The following BBS9 variants were observed in gnomAD, a reference collection of about 807,000 sequenced individuals.
BBS9 encodes Bardet-Biedl syndrome 9, also known as protein PTHB1.
In BBS9, 89 loss-of-function variants were observed where a neutral mutation model predicts 117.7. That is an observed-to-expected ratio of 0.76 (90% confidence interval 0.64 to 0.90). BBS9 has a LOEUF of 0.90. Ranked by LOEUF, BBS9 falls within the 40% of genes least tolerant of loss-of-function variation. The probability of loss-of-function intolerance (pLI) is 0.00; values close to 1 mark genes in which losing one functional copy is unlikely to be tolerated. For missense variants in BBS9, 982 were observed against 1,042.2 expected, an observed-to-expected ratio of 0.94 and a Z score of 0.80; for synonymous variants, 379 against 370.9, an observed-to-expected ratio of 1.02 and a Z score of -0.25.
intron 19 of BBS9, among the ~76,000 whole-genome samples, chr7:33,438,168 C>G: frequency 6.6e-6 from 1 of 152,132 alleles, no homozygotes; most frequent in Non-Finnish European, 1.5e-5. Context: ...ATCCTTACCT[C>G]ATACCATAAA....
At chr7:33,190,078 A>C (rs1436153247) in intron 5 of BBS9, among the ~76,000 whole-genome samples, 3 of 150,714 alleles carry the variant, frequency 2.0e-5, no homozygotes, top group African/African-American at 7.3e-5. Flanking sequence ...TCCTTTAAAA[A>C]ATTTCTTTTC....
intron 17 of BBS9, among the ~76,000 whole-genome samples, chr7:33,368,485 A>G (rs1041249201): frequency 6.6e-6 from 1 of 152,076 alleles, no homozygotes; most frequent in African/African-American, 2.4e-5. Flanking sequence ...TACTGAAGCT[A>G]CTGAGCTTAC....
At chr7:33,225,322 C>T (rs1456742542) in intron 5 of BBS9, among the ~76,000 whole-genome samples, 1 of 152,144 alleles carries the variant, frequency 6.6e-6, no homozygotes, top group African/African-American at 2.4e-5. Flanking sequence ...CTCAGCCTCC[C>T]AAGTAGTTGG....
At chr7:33,280,609 A>G (rs1801624718) in intron 9 of BBS9, among the ~76,000 whole-genome samples, 1 of 152,200 alleles carries the variant, frequency 6.6e-6, no homozygotes, top group South Asian at 2.1e-4. Flanking sequence ...CTCCGACTAG[A>G]TAATACATTC....
intron 4 of BBS9, among the ~76,000 whole-genome samples, chr7:33,173,467 G>A (rs188786220): frequency 3.8e-4 from 57 of 151,722 alleles, no homozygotes; most frequent in Non-Finnish European, 6.8e-4. Flanking sequence ...AGCTACTCGC[G>A]AGGATGAGGC....
chr7:33,453,960 C>G (rs137880846), intron 19 of BBS9, among the ~76,000 whole-genome samples: 7 of 152,108 alleles, frequency 4.6e-5, no homozygotes, highest in Non-Finnish European at 1.0e-4. Flanking sequence ...TTGGGGGAGT[C>G]AAAAGTTGTA....
At chr7:33,481,975 A>G (rs955867400) in intron 19 of BBS9, among the ~76,000 whole-genome samples, 3 of 152,202 alleles carry the variant, frequency 2.0e-5, no homozygotes, top group Non-Finnish European at 4.4e-5. Context: ...TGGCTTATTA[A>G]TGTCCACATC....
At chr7:33,420,861 A>G (rs1386587821) in intron 19 of BBS9, among the ~76,000 whole-genome samples, 2 of 152,002 alleles carry the variant, frequency 1.3e-5, no homozygotes, top group African/African-American at 2.4e-5. Flanking sequence ...TGTGTTTGCA[A>G]CTCCCAAGAC....
intron 6 of BBS9, among the ~76,000 whole-genome samples, chr7:33,259,717 A>T (rs1257418351): frequency 2.6e-5 from 4 of 151,860 alleles, no homozygotes; most frequent in Non-Finnish European, 5.9e-5. Flanking sequence ...CTTTGGTACC[A>T]CTGTTCTCTG....
At chr7:33,183,148 A>C (rs891353033) in intron 5 of BBS9, among the ~76,000 whole-genome samples, 11 of 152,184 alleles carry the variant, frequency 7.2e-5, no homozygotes, top group African/African-American at 2.7e-4. Context: ...AAAATGTGAG[A>C]GGGATCTATT....
At chr7:33,178,432 T>G (rs1797635040) in intron 5 of BBS9, among the ~76,000 whole-genome samples, 1 of 152,168 alleles carries the variant, frequency 6.6e-6, no homozygotes, top group South Asian at 2.1e-4. Context: ...CACCAAGGCT[T>G]GGTGCTTGCT....
chr7:33,608,522 TC>T (rs896660660), downstream of BBS9, among the ~76,000 whole-genome samples: 2 of 152,100 alleles, frequency 1.3e-5, no homozygotes, highest in African/African-American at 4.8e-5. Flanking sequence ...CATTTCCTTT[TC>T]CCCACAGCCT....
At chr7:33,329,360 T>C (rs1053932166) in intron 9 of BBS9, among the ~76,000 whole-genome samples, 2 of 152,196 alleles carry the variant, frequency 1.3e-5, no homozygotes, top group African/African-American at 4.8e-5. Flanking sequence ...ATGAAAATAA[T>C]TCATCATTTC....
intron 5 of BBS9, among the ~76,000 whole-genome samples, chr7:33,193,370 G>A (rs1036918637): frequency 7.0e-6 from 1 of 143,490 alleles, no homozygotes; most frequent in African/African-American, 2.6e-5. Context: ...TCTTGGTTCT[G>A]TTTTTCTTCA....
intron 21 of BBS9, among the ~76,000 whole-genome samples, chr7:33,633,510 C>CTT (rs894796851): frequency 5.1e-5 from 5 of 98,446 alleles, no homozygotes; most frequent in South Asian, 4.2e-4. Context: ...TAACTTTTTT[C>CTT]TTTTTTTTTT....
chr7:33,460,589 ATTC>A (rs1450935916), intron 19 of BBS9, among the ~76,000 whole-genome samples: 1 of 152,030 alleles, frequency 6.6e-6, no homozygotes, highest in African/African-American at 2.4e-5. Context: ...TGTTCAAGGT[ATTC>A]TTAATTTTTT....
chr7:33,334,193 A>G (rs1289795499), intron 9 of BBS9, among the ~76,000 whole-genome samples: 2 of 152,210 alleles, frequency 1.3e-5, no homozygotes, highest in Non-Finnish European at 1.5e-5. Context: ...AATTGTTGCC[A>G]TTTGCTATCT....
chr7:33,137,335 A>G (rs566474836), intron 1 of BBS9, among the ~76,000 whole-genome samples: 11 of 152,136 alleles, frequency 7.2e-5, no homozygotes, highest in Non-Finnish European at 1.5e-4. Flanking sequence ...GGCCCCCGAC[A>G]GTGCAGGGAT....
chr7:33,250,485 T>C (rs1796055050), intron 5 of BBS9, among the ~76,000 whole-genome samples: 2 of 152,236 alleles, frequency 1.3e-5, no homozygotes, highest in Non-Finnish European at 2.9e-5. Flanking sequence ...GTTGGCTCTG[T>C]TCTGTCAGAA....
Sources: gnomAD v4.1 joint callset for allele counts (sites outside exome capture counted in the v4.1 genomes callset) on GRCh38, gnomAD v4.1.1 for gene constraint, MANE v1.5 for transcripts, NCBI Gene and HGNC (gene_info 2026-07-23, HGNC 2026-07-21) for gene names.